LMF1: variants seen among roughly 807,000 people sequenced by gnomAD.
The protein encoded by LMF1 is transmembrane protein 112.
Under a neutral mutation model 60.6 loss-of-function variants are expected in LMF1, and 68 were observed. The observed-to-expected ratio is 1.12, with a 90% CI of 0.92 to 1.37. LMF1 has a LOEUF of 1.37. Among genes scored for constraint, LMF1 ranks in the 40% most tolerant of loss-of-function variants. LMF1 has a pLI of 0.00. For missense variants in LMF1, 948 were observed against 767.2 expected (o/e 1.24, Z -2.78); for synonymous variants, 418 against 324.7 (o/e 1.29, Z -3.09).
chr16:956,102 C>G (rs1402635879), intron 1 of LMF1, among the ~76,000 whole-genome samples: 1 of 91,110 alleles, frequency 1.1e-5, no homozygotes, highest in Non-Finnish European at 2.0e-5. Flanking sequence ...GAGTTCATGT[C>G]TCACGGCGCC....
At chr16:875,848 C>G (rs958671277) in intron 6 of LMF1, among the ~76,000 whole-genome samples, 1 of 152,138 alleles carries the variant, frequency 6.6e-6, no homozygotes, top group Non-Finnish European at 1.5e-5. Flanking sequence ...TGTGTGGGGT[C>G]GGGGTGACTC....
Position 878,665 on chromosome 16 carries a change from G to A in LMF1, c.897+905C>T, listed in dbSNP as rs921585034. Among the ~76,000 whole-genome samples the A allele has an allele frequency of 6.6e-6, 1 of 151,782 alleles. No individual in the cohort carries two copies. The highest frequency in any genetic ancestry group is 2.4e-5 in the African/African-American group (1 of 41,246). ...GCGCCCCCACGTGCACCAACGTGGC[G>A]TGGCACCCGTGCCTGCTGACGGAGC... On this transcript the variant is annotated intron_variant, in intron 6 of 10. Transcript: ENST00000262301. This position sits in a 1 kb window ranked among gnomAD's most constrained non-coding sequence, Gnocchi z 5.2.
rs368192618 is a variant in LMF1 at position 910,955 on chromosome 16, C to T, written c.639G>A (p.Leu213=). ...CTGCTCCAAGCATGATCCTGAAGATCAGCCACCGGAAGCCCCACAGGACAA... is the reference window on the plus strand; with the variant it reads ...CTGCTCCAAGCATGATCCTGAAGATTAGCCACCGGAAGCCCCACAGGACAA... The part of the protein sequence containing the change: ...SRIVLWGFRW[L]IFRIMLGAGL... The change falls in exon 4 of 11, where the codon CTG becomes CTA. Residue 213 remains leucine, a synonymous_variant. Transcript: ENST00000262301. The T allele has an allele frequency of 1.2e-4, 201 of 1,612,948 alleles. No individual in the cohort carries two copies. In the African/African-American group the frequency reaches 2.0e-3, roughly 16 times the overall value.
rs1230523425 is a variant in LMF1, at chr16:954,536, G to C, written c.324C>G (p.Ser108Arg). Reference sequence around the variant, plus strand: ...TCAGCCAGAGGATGGTGGGCATGTAGCTGAAGACTTCCCAGCTCGTCCTGT... The same window carrying C: ...TCAGCCAGAGGATGGTGGGCATGTACCTGAAGACTTCCCAGCTCGTCCTGT... ...FQDRTSWEVF[S>R]YMPTILWLMD... Residue 108 changes from serine (S) to arginine (R), a missense_variant, in exon 2 of 11, where the codon AGC becomes AGG. Coordinates refer to ENST00000262301, the MANE Select transcript of LMF1 (RefSeq NM_022773.4). The C allele has an allele frequency of 1.9e-6, 3 of 1,613,058 alleles. No individual in the cohort carries two copies. Among genetic ancestry groups the C allele is most frequent in the African/African-American group, 2.7e-5 (2 of 74,928 alleles).
upstream of LMF1, among the ~76,000 whole-genome samples, chr16:971,294 C>A (rs1302948195): frequency 6.6e-6 from 1 of 152,232 alleles, no homozygotes; most frequent in Non-Finnish European, 1.5e-5. Flanking sequence ...GCGTGCCTTC[C>A]GTCAGTCCGA....
In LMF1 at chr16:936,271, A is replaced by T. The variant is rs529903819; in HGVS notation, c.504-2017T>A. On this transcript the variant is annotated intron_variant, in intron 2 of 10. Coordinates refer to ENST00000262301, the MANE Select transcript of LMF1 (RefSeq NM_022773.4). ...GGGAGAGAGGGCACCCCGTGGGCTGAGGAAGGAGGCTGGGAGGGAGAGAGG... is the reference window on the plus strand; with the variant it reads ...GGGAGAGAGGGCACCCCGTGGGCTGTGGAAGGAGGCTGGGAGGGAGAGAGG... Among the ~76,000 whole-genome samples, 3 of 143,106 alleles carry T rather than the reference A, an allele frequency of 2.1e-5. No individual in the cohort carries two copies. In the South Asian group the frequency reaches 6.8e-4, roughly 32 times the overall value. The allele number at this position is 143,106 out of a possible 152,430, so 93.9% of individuals were successfully genotyped here. A position where few individuals can be genotyped will look rare whatever the true frequency, so the allele number is the denominator to read the frequency against.
At chr16:917,967 A>AGCC (rs1272169492) in intron 3 of LMF1, among the ~76,000 whole-genome samples, 1 of 152,142 alleles carries the variant, frequency 6.6e-6, no homozygotes, top group Admixed American at 6.5e-5. Flanking sequence ...GTTTCACAGG[A>AGCC]GGGCCGCCCT....
In LMF1 at chr16:933,835, C is replaced by A; in HGVS notation, c.514+409G>T. On this transcript the variant is annotated intron_variant, in intron 3 of 10. Transcript: ENST00000262301. The stretch of plus-strand genomic sequence containing the variant: ...GGATGGGGAAGACCTCCGGTCCCCT[C>A]CACCAAACAAAGCACAAGCCAAAGT... The A allele has an allele frequency of 7.7e-6, 5 of 645,198 alleles. No homozygotes were observed. The South Asian group carries it at 9.2e-5, about 12-fold the overall frequency. The allele number at this position is 645,198 out of a possible 1,614,324, so 40.0% of individuals were successfully genotyped here.
chr16:974,671 A>G (rs2073102684), upstream of LMF1, among the ~76,000 whole-genome samples: 1 of 152,152 alleles, frequency 6.6e-6, no homozygotes, highest in African/African-American at 2.4e-5. Context: ...ACCCAGGCAC[A>G]CACAAGCCCG....
chr16:878,984 C>A lies in LMF1; in HGVS notation c.897+586G>T, dbSNP rs534690190. On this transcript the variant is annotated intron_variant, in intron 6 of 10. Transcript: ENST00000262301. The surrounding 1 kb of genome is among the most constrained non-coding windows in gnomAD (Gnocchi z 5.2). Reference sequence around the variant, plus strand: ...AAAGGCTCGGGACTGGCCCAGCCCCCCTGGAGGCAGCGTGGGGGTGCTCTG... The same window carrying A: ...AAAGGCTCGGGACTGGCCCAGCCCCACTGGAGGCAGCGTGGGGGTGCTCTG... 3.1e-4 allele frequency among the ~76,000 whole-genome samples: 47 copies of A among 152,260 alleles called. No homozygotes were observed. Among genetic ancestry groups the A allele is most frequent in the South Asian group, 1.0e-3 (5 of 4,826 alleles).
At chr16:922,173 G>A (rs1036446234) in intron 3 of LMF1, among the ~76,000 whole-genome samples, 6 of 152,170 alleles carry the variant, frequency 3.9e-5, no homozygotes, top group Non-Finnish European at 8.8e-5. Context: ...ACCCTGTCTC[G>A]CAGGCCCAGC....
At chr16:924,184 C>A (rs2071527026) in intron 3 of LMF1, among the ~76,000 whole-genome samples, 1 of 152,106 alleles carries the variant, frequency 6.6e-6, no homozygotes, top group Non-Finnish European at 1.5e-5. Context: ...GAGGGCAATC[C>A]CTGTCGTTCA....
upstream of LMF1, among the ~76,000 whole-genome samples, chr16:974,669 A>G (rs34455929): frequency 0.18 from 28,025 of 152,152 alleles, 2,837 homozygotes; most frequent in South Asian, 0.33. Context: ...GGACCCAGGC[A>G]CACACAAGCC....
intron 10 of LMF1, among the ~76,000 whole-genome samples, chr16:860,274 G>C (rs1442605199): frequency 6.6e-6 from 1 of 151,642 alleles, no homozygotes; most frequent in African/African-American, 2.4e-5. Context: ...TCCTTTCACA[G>C]ATCATCTTTA....
intron 2 of LMF1, chr16:947,483 C>T: frequency 2.2e-6 from 1 of 456,080 alleles, no homozygotes; most frequent in Non-Finnish European, 4.4e-6. Flanking sequence ...TGCTGGCGGC[C>T]TCCCAGCGTC....
intron 10 of LMF1, among the ~76,000 whole-genome samples, chr16:861,815 C>T (rs943460894): frequency 1.3e-5 from 2 of 152,326 alleles, no homozygotes; most frequent in South Asian, 4.1e-4. Flanking sequence ...CTTCCAGCAC[C>T]ATGCCGGATC....
In LMF1 at chr16:854,431, C is replaced by T. The variant is rs745531280; in HGVS notation, c.*101G>A. 36 of 1,216,852 alleles carry T rather than the reference C, an allele frequency of 3.0e-5. No homozygotes were observed. Among genetic ancestry groups the T allele is most frequent in the Admixed American group, 1.4e-4 (7 of 49,306 alleles). 75.4% of individuals were successfully genotyped at this position (1,216,852 alleles called of 1,614,324 possible). ...CTGGGTCCCACCGCTCTCCTCTCCACGTCTCTCTTGGCGATGCCCAGCTTG... is the reference window on the plus strand; with the variant it reads ...CTGGGTCCCACCGCTCTCCTCTCCATGTCTCTCTTGGCGATGCCCAGCTTG... On this transcript the variant is annotated 3_prime_UTR_variant, in exon 11 of 11. Coordinates refer to ENST00000262301, the MANE Select transcript of LMF1 (RefSeq NM_022773.4).
At chr16:958,470 G>C (rs1402567382) in intron 1 of LMF1, among the ~76,000 whole-genome samples, 1 of 152,222 alleles carries the variant, frequency 6.6e-6, no homozygotes, top group African/African-American at 2.4e-5. Flanking sequence ...ACATAGGAAG[G>C]TGTACGGATG....
At position 950,796 on chromosome 16, in the gene LMF1, A is replaced by T. The variant is rs541190529; in HGVS notation, c.503+3561T>A. Among the ~76,000 whole-genome samples the T allele has an allele frequency of 5.2e-4, 61 of 116,796 alleles. 15 individuals carry two copies. The highest frequency in any genetic ancestry group is 2.2e-3 in the African/African-American group (57 of 26,448). 76.6% of individuals were successfully genotyped at this position (116,796 alleles called of 152,430 possible). A position where few individuals can be genotyped will look rare whatever the true frequency, so the allele number is the denominator to read the frequency against. On this transcript the variant is annotated intron_variant, in intron 2 of 10. Transcript: ENST00000262301. Reference sequence around the variant, plus strand: ...GAGCCAACGACAGAGTCAGCCAATGACAGAGTCAGACGACAGAGTCAGCCA... The same window carrying T: ...GAGCCAACGACAGAGTCAGCCAATGTCAGAGTCAGACGACAGAGTCAGCCA...
Sources: allele counts gnomAD v4.1 joint callset (sites outside exome capture counted in the v4.1 genomes callset), GRCh38; gene constraint gnomAD v4.1.1; non-coding constraint Gnocchi (gnomAD v3.1); transcripts MANE v1.5; gene names NCBI Gene and HGNC (gene_info 2026-07-23, HGNC 2026-07-21).